Variants in CUL2 observed in about 807,000 individuals in gnomAD.
CUL2 encodes the protein cullin 2.
Under a neutral mutation model 110.2 loss-of-function variants are expected in CUL2, and 22 were observed. The observed-to-expected ratio is 0.20, with a 90% CI of 0.14 to 0.28. CUL2 has a LOEUF of 0.28. Among genes scored for constraint, CUL2 ranks in the 10% least tolerant of loss-of-function variants. The pLI, the probability that CUL2 is intolerant of heterozygous loss-of-function variation, is 1.00. For synonymous variants in CUL2, 279 were observed against 293.2 expected, an observed-to-expected ratio of 0.95 and a Z score of 0.49; for missense variants, 631 against 905.5, an observed-to-expected ratio of 0.70 and a Z score of 3.89.
At chr10:35,010,577 A>T (rs2084874618) in intron 20 of CUL2, 135 bp from the exon 21 acceptor site, 1 of 709,144 alleles carries the variant, frequency 1.4e-6, no homozygotes, top group Non-Finnish European at 2.1e-6. Flanking sequence ...TGAAAATAGG[A>T]ACTACAATGT....
At chr10:35,053,189 A>G (rs1251525705) in intron 5 of CUL2, among the ~76,000 whole-genome samples, 2 of 152,182 alleles carry the variant, frequency 1.3e-5, no homozygotes, top group African/African-American at 4.8e-5. Context: ...ATTTTCTGGG[A>G]AGAGAAGTGT....
chr10:35,013,881 T>C (rs1326021135), intron 18 of CUL2, 81 bp from the exon 19 acceptor site: 1 of 1,024,096 alleles, frequency 9.8e-7, no homozygotes, highest in African/African-American at 1.6e-5. Context: ...TTCTGCTAAA[T>C]TAATGACCAA....
rs139649618 is a variant in CUL2 at position 35,105,795 on chromosome 10, T to C, written c.-50-4735A>G. ...TCAACAGAAGCTTTACTAAAAGCCATGAACCTGGCTCCTGAAAGAGGCAAT... is the reference window on the plus strand; with the variant it reads ...TCAACAGAAGCTTTACTAAAAGCCACGAACCTGGCTCCTGAAAGAGGCAAT... On this transcript the variant is annotated intron_variant, in intron 1 of 5. Transcript: ENST00000685421. Among the ~76,000 whole-genome samples, 398 of 146,322 alleles carry C rather than the reference T, an allele frequency of 2.7e-3. 1 individual carries two copies. The highest frequency in any genetic ancestry group is 9.6e-3 in the African/African-American group (380 of 39,488).
At chr10:35,027,690 T>C (rs1368596358) in intron 16 of CUL2, among the ~76,000 whole-genome samples, 1 of 152,170 alleles carries the variant, frequency 6.6e-6, no homozygotes, top group African/African-American at 2.4e-5. Context: ...CTGTACACTA[T>C]TAAGTATACA....
At chr10:35,094,963 C>A (rs543079718), upstream of CUL2, among the ~76,000 whole-genome samples, 2 of 152,242 alleles carry the variant, frequency 1.3e-5, no homozygotes, top group South Asian at 4.1e-4. Flanking sequence ...CTACATTTTA[C>A]AAAACTGTGT....
At chr10:35,040,398 G>A (rs1481123267) in intron 8 of CUL2, among the ~76,000 whole-genome samples, 1 of 152,160 alleles carries the variant, frequency 6.6e-6, no homozygotes, top group Non-Finnish European at 1.5e-5. Context: ...GAAACACTCT[G>A]GAACATAAAG....
At chr10:35,022,685 C>A (rs1441776989) in intron 17 of CUL2, among the ~76,000 whole-genome samples, 2 of 150,622 alleles carry the variant, frequency 1.3e-5, no homozygotes, top group African/African-American at 5.0e-5. Flanking sequence ...TCAGTTAGGA[C>A]CAGTAAGTTC....
At chr10:35,055,671 C>G (rs1035927923) in intron 4 of CUL2, among the ~76,000 whole-genome samples, 1 of 152,204 alleles carries the variant, frequency 6.6e-6, no homozygotes, top group African/African-American at 2.4e-5. Flanking sequence ...CTCTAGACTC[C>G]ATGGCTTACA....
At chr10:35,095,759 C>A (rs2087288265) in intron 2 of CUL2, among the ~76,000 whole-genome samples, 1 of 152,096 alleles carries the variant, frequency 6.6e-6, no homozygotes, top group Admixed American at 6.6e-5. Flanking sequence ...CAAGGTTTCA[C>A]CATATTGGCC....
intron 1 of CUL2, among the ~76,000 whole-genome samples, chr10:35,083,154 C>CA (rs35028347): frequency 0.023 from 2,514 of 110,902 alleles, 73 homozygotes; most frequent in African/African-American, 0.074. Flanking sequence ...GACTCCATCT[C>CA]AAAAAAAAAA....
In CUL2 at chr10:35,062,945, T is replaced by C. The variant is rs995983742; in HGVS notation, c.222+15A>G. 3.0e-6 allele frequency: 4 copies of C among 1,337,442 alleles called. No individual in the cohort carries two copies. Among genetic ancestry groups the C allele is most frequent in the Non-Finnish European group, 3.2e-6 (3 of 932,012 alleles). The allele number at this position is 1,337,442 out of a possible 1,614,324, so 82.8% of individuals were successfully genotyped here. ...ACTATCAACATATTTATATCACGTA[T>C]GTATCATTGCTTACCTTATGCAAAT... On this transcript the variant is annotated intron_variant, in intron 3 of 20. Coordinates refer to ENST00000374749, the MANE Select transcript of CUL2 (RefSeq NM_003591.4).
intron 17 of CUL2, among the ~76,000 whole-genome samples, chr10:35,024,067 T>C (rs114351678): frequency 0.14 from 21,526 of 152,090 alleles, 1,827 homozygotes; most frequent in East Asian, 0.24. Context: ...ACTCCTGGGA[T>C]TAAGTGACCC....
At chr10:35,089,575 T>C (rs865930394) in intron 1 of CUL2, among the ~76,000 whole-genome samples, 1 of 152,242 alleles carries the variant, frequency 6.6e-6, no homozygotes, top group Non-Finnish European at 1.5e-5. Context: ...TTAACATTAA[T>C]AACAGTCTGC....
intron 1 of CUL2, among the ~76,000 whole-genome samples, chr10:35,086,139 C>T (rs1193990918): frequency 6.6e-6 from 1 of 151,600 alleles, no homozygotes; most frequent in Non-Finnish European, 1.5e-5. Flanking sequence ...GTGGAGGCTG[C>T]AGTGGGCTGA....
chr10:35,038,301 G>A (rs888600220), intron 9 of CUL2, among the ~76,000 whole-genome samples: 14 of 151,410 alleles, frequency 9.2e-5, no homozygotes, highest in African/African-American at 2.7e-4. Context: ...TGAGGCGGGC[G>A]GACCACAAGG....
chr10:35,102,747 G>A lies in CUL2; in HGVS notation c.-50-1687C>T, dbSNP rs185688575. Among the ~76,000 whole-genome samples, 583 of 152,064 alleles carry A rather than the reference G, an allele frequency of 3.8e-3. 2 individuals carry two copies. Among genetic ancestry groups the A allele is most frequent in the Admixed American group, 5.2e-3 (79 of 15,244 alleles). ...AAAATGCAAAAATTAGCCGGGTGCA[G>A]TGGCAGGCGCCTGTAATCCCGGCTA... On this transcript the variant is annotated intron_variant, in intron 1 of 5. Transcript: ENST00000685421.
At chr10:35,016,819 T>C (rs2085044571) in intron 17 of CUL2, among the ~76,000 whole-genome samples, 2 of 149,510 alleles carry the variant, frequency 1.3e-5, no homozygotes, top group African/African-American at 4.9e-5. Flanking sequence ...CCTAGCCACT[T>C]GGGAGGCTGA....
intron 2 of CUL2, among the ~76,000 whole-genome samples, chr10:35,067,031 C>G (rs1445394544): frequency 8.6e-5 from 13 of 151,772 alleles, no homozygotes; most frequent in Admixed American, 8.5e-4. Context: ...TGCCTGTAAT[C>G]CCAGATACTA....
rs560618877 is a variant in CUL2 at position 35,086,219 on chromosome 10, G to A, written c.-23+3960C>T. On this transcript the variant is annotated intron_variant, in intron 1 of 20. Transcript: ENST00000374749. ...AAAAAAAGAAACAAGAAACAAGGCC[G>A]GGCACAGTGGATCACGCCTGTAATC... 4.6e-5 allele frequency among the ~76,000 whole-genome samples: 7 copies of A among 151,882 alleles called. No homozygotes were observed. In the East Asian group the frequency reaches 9.6e-4, roughly 21 times the overall value.
Sources: allele counts gnomAD v4.1 joint callset (sites outside exome capture counted in the v4.1 genomes callset), GRCh38; gene constraint gnomAD v4.1.1; transcripts MANE v1.5; gene names NCBI Gene and HGNC (gene_info 2026-07-23, HGNC 2026-07-21).